The following GRIP1 variants were observed in gnomAD, a reference collection of about 807,000 sequenced individuals.
GRIP1 encodes the protein glutamate receptor interacting protein 1.
A neutral mutation model predicts 129.9 loss-of-function variants in GRIP1; 45 were observed. The observed-to-expected ratio is 0.35, with a 90% CI of 0.27 to 0.44. The LOEUF (loss-of-function observed/expected upper bound fraction) is 0.44, where lower values mean the gene tolerates loss of function less well. Ranked by LOEUF, GRIP1 falls within the 20% of genes least tolerant of loss-of-function variation. The probability of loss-of-function intolerance (pLI) is 1.00; values close to 1 mark genes in which losing one functional copy is unlikely to be tolerated. For synonymous variants in GRIP1, 530 were observed against 520.8 expected, an observed-to-expected ratio of 1.02 and a Z score of -0.24; for missense variants, 1,196 against 1,396.8, an observed-to-expected ratio of 0.86 and a Z score of 2.29.
intron 1 of GRIP1, among the ~76,000 whole-genome samples, chr12:66,797,788 T>A (rs1401374342): frequency 6.6e-6 from 1 of 152,146 alleles, no homozygotes; most frequent in Non-Finnish European, 1.5e-5. Flanking sequence ...TCTTGATCCT[T>A]CATGTCTGTC....
At chr12:67,068,153 TC>T (rs1172139737) in intron 1 of GRIP1, among the ~76,000 whole-genome samples, 1 of 152,092 alleles carries the variant, frequency 6.6e-6, no homozygotes, top group Non-Finnish European at 1.5e-5. Flanking sequence ...CAAGCTGAAC[TC>T]CCTGGCCAAC....
intron 1 of GRIP1, among the ~76,000 whole-genome samples, chr12:66,862,648 T>C (rs2040132623): frequency 6.6e-6 from 1 of 152,062 alleles, no homozygotes; most frequent in South Asian, 2.1e-4. Flanking sequence ...CTGTCTTGTC[T>C]CATTTTGTAG....
chr12:66,673,983 G>A (rs1056337590), intron 1 of GRIP1, among the ~76,000 whole-genome samples: 5 of 152,182 alleles, frequency 3.3e-5, no homozygotes, highest in African/African-American at 1.2e-4. Context: ...GAAATGAAGG[G>A]GTGGAGGCAA....
chr12:66,515,867 T>C (rs1180607380), intron 6 of GRIP1, 103 bp from the exon 7 acceptor site: 2 of 887,698 alleles, frequency 2.3e-6, no homozygotes, highest in Non-Finnish European at 3.8e-6. Flanking sequence ...TATTCTGCCA[T>C]CCATCTCATT....
intron 1 of GRIP1, among the ~76,000 whole-genome samples, chr12:66,862,448 CA>C (rs756048217): frequency 5.3e-5 from 8 of 151,998 alleles, no homozygotes; most frequent in Non-Finnish European, 1.2e-4. Context: ...TTCTGGGGCA[CA>C]TTAATTATGT....
At chr12:66,765,917 T>C (rs1020951291) in intron 1 of GRIP1, among the ~76,000 whole-genome samples, 1 of 152,132 alleles carries the variant, frequency 6.6e-6, no homozygotes, top group Non-Finnish European at 1.5e-5. Flanking sequence ...ACTGCAGACA[T>C]AGGATGTCCT....
chr12:66,584,343 C>A (rs1440405881), intron 2 of GRIP1, among the ~76,000 whole-genome samples: 1 of 151,858 alleles, frequency 6.6e-6, no homozygotes, highest in Non-Finnish European at 1.5e-5. Context: ...ACCAGCATGG[C>A]ACATGTATAC....
At chr12:67,042,290 C>T (rs909299073) in intron 1 of GRIP1, among the ~76,000 whole-genome samples, 1 of 152,152 alleles carries the variant, frequency 6.6e-6, no homozygotes, top group South Asian at 2.1e-4. Context: ...CAAACTAAGA[C>T]AATTGCCTAC....
chr12:66,694,326 A>C (rs1248046447), intron 1 of GRIP1, among the ~76,000 whole-genome samples: 2 of 152,144 alleles, frequency 1.3e-5, no homozygotes, highest in Non-Finnish European at 2.9e-5. Context: ...TTTTTAAAAA[A>C]CTTTTTTATT....
chr12:66,915,425 G>A (rs2041104636), intron 1 of GRIP1, among the ~76,000 whole-genome samples: 1 of 152,176 alleles, frequency 6.6e-6, no homozygotes, highest in Admixed American at 6.5e-5. Context: ...GGAGGGAGCT[G>A]TCTAGACAAA....
intron 1 of GRIP1, among the ~76,000 whole-genome samples, chr12:67,052,112 G>A (rs1565656982): frequency 6.6e-6 from 1 of 152,174 alleles, no homozygotes; most frequent in Non-Finnish European, 1.5e-5. Flanking sequence ...GAGGCCTTAA[G>A]TCTGACACAG....
At chr12:66,412,091 G>A (rs1475578056) in intron 15 of GRIP1, among the ~76,000 whole-genome samples, 1 of 152,168 alleles carries the variant, frequency 6.6e-6, no homozygotes, top group Non-Finnish European at 1.5e-5. Flanking sequence ...CCCTAGCCTA[G>A]CAAGACAGGC....
At position 66,584,408 on chromosome 12, in the gene GRIP1, A is replaced by T. The variant is rs940127712; in HGVS notation, c.136+12439T>A. 4.2e-5 allele frequency among the ~76,000 whole-genome samples: 6 copies of T among 141,272 alleles called. No homozygotes were observed. The East Asian group carries it at 7.7e-4, about 18-fold the overall frequency. 92.7% of individuals were successfully genotyped at this position (141,272 alleles called of 152,430 possible). A position where few individuals can be genotyped will look rare whatever the true frequency, so the allele number is the denominator to read the frequency against. ...TGTACCCTAAAACTTAAAGTATAAT[A>T]AAAAAAAATACAAAATTAGCCAGGC... On this transcript the variant is annotated intron_variant, in intron 2 of 24. Coordinates refer to ENST00000359742, the MANE Select transcript of GRIP1 (RefSeq NM_001366722.1).
intron 7 of GRIP1, among the ~76,000 whole-genome samples, chr12:66,483,869 T>G (rs1417139687): frequency 6.7e-6 from 1 of 150,008 alleles, no homozygotes; most frequent in East Asian, 1.9e-4. Context: ...AACTTCTTTT[T>G]TTTTTTTTGA....
intron 1 of GRIP1, among the ~76,000 whole-genome samples, chr12:66,962,582 C>T (rs1211984783): frequency 1.3e-5 from 2 of 152,028 alleles, no homozygotes; most frequent in African/African-American, 4.8e-5. Context: ...GGCATTAAGG[C>T]GTCAATTAAA....
At chr12:67,046,789 T>C (rs896642756) in intron 1 of GRIP1, among the ~76,000 whole-genome samples, 3 of 152,158 alleles carry the variant, frequency 2.0e-5, no homozygotes, top group Non-Finnish European at 4.4e-5. Context: ...AGAATCACAG[T>C]AGTGGGATCC....
intron 1 of GRIP1, among the ~76,000 whole-genome samples, chr12:66,693,634 G>C (rs997001880): frequency 2.6e-5 from 4 of 152,098 alleles, no homozygotes; most frequent in Admixed American, 2.6e-4. Context: ...GCTCTCCCCG[G>C]TAAAATGTAC....
intron 9 of GRIP1, among the ~76,000 whole-genome samples, chr12:66,459,373 T>G (rs1016288940): frequency 6.6e-6 from 1 of 152,162 alleles, no homozygotes; most frequent in Admixed American, 6.5e-5. Context: ...GTTTGGCCAA[T>G]TTACAACCAC....
chr12:66,716,964 G>A (rs1320937336), intron 1 of GRIP1, among the ~76,000 whole-genome samples: 1 of 151,932 alleles, frequency 6.6e-6, no homozygotes, highest in East Asian at 1.9e-4. Flanking sequence ...CACAGCCCAG[G>A]CAAGAAATCA....
Sources: allele counts gnomAD v4.1 joint callset (sites outside exome capture counted in the v4.1 genomes callset), GRCh38; gene constraint gnomAD v4.1.1; transcripts MANE v1.5; gene names NCBI Gene and HGNC (gene_info 2026-07-23, HGNC 2026-07-21).